The following PCBP3 variants were observed in gnomAD, a reference collection of about 807,000 sequenced individuals.
The protein encoded by PCBP3 is poly(rC) binding protein 3.
In PCBP3, 25 loss-of-function variants were observed where a neutral mutation model predicts 52.7. The ratio of observed to expected loss-of-function variants is 0.47; its 90% confidence interval spans 0.35 to 0.66. The LOEUF (loss-of-function observed/expected upper bound fraction) is 0.66, where lower values mean the gene tolerates loss of function less well. Ranked by LOEUF, PCBP3 falls within the 30% of genes least tolerant of loss-of-function variation. PCBP3 has a pLI of 0.01. For missense variants in PCBP3, 391 were observed against 490.3 expected, an observed-to-expected ratio of 0.80 and a Z score of 1.91; for synonymous variants, 162 against 183.0, an observed-to-expected ratio of 0.89 and a Z score of 0.93.
intron 1 of PCBP3, among the ~76,000 whole-genome samples, chr21:45,644,307 C>T (rs1276958845): frequency 6.6e-6 from 1 of 151,670 alleles, no homozygotes; most frequent in Non-Finnish European, 1.5e-5. Flanking sequence ...GGGCGCGGGG[C>T]CTCCTCCCCC....
chr21:45,783,383 G>A (rs563177876), intron 4 of PCBP3, among the ~76,000 whole-genome samples: 1 of 152,200 alleles, frequency 6.6e-6, no homozygotes, highest in Non-Finnish European at 1.5e-5. Flanking sequence ...AGAAAAAAGT[G>A]TAGCAAAGTA....
At chr21:45,811,654 C>T (rs2092689991) in intron 4 of PCBP3, among the ~76,000 whole-genome samples, 1 of 152,232 alleles carries the variant, frequency 6.6e-6, no homozygotes, top group South Asian at 2.1e-4. Flanking sequence ...CTTACACCAG[C>T]TTTGTCTGGT....
chr21:45,794,229 A>G (rs377166944), intron 4 of PCBP3, among the ~76,000 whole-genome samples: 13 of 152,336 alleles, frequency 8.5e-5, no homozygotes, highest in African/African-American at 1.7e-4. Flanking sequence ...ATTGTAAATG[A>G]TTTACAAGGA....
chr21:45,666,715 ATTG>A (rs914174030), intron 1 of PCBP3, among the ~76,000 whole-genome samples: 3 of 147,340 alleles, frequency 2.0e-5, no homozygotes, highest in Non-Finnish European at 4.5e-5. Context: ...GAAATCCGCT[ATTG>A]TTCTTATTGA....
intron 5 of PCBP3, among the ~76,000 whole-genome samples, chr21:45,888,437 C>G (rs1170364002): frequency 6.6e-6 from 1 of 152,244 alleles, no homozygotes; most frequent in East Asian, 1.9e-4. Context: ...GCAGCTCACC[C>G]TGCTCCTGTA....
chr21:45,918,693 G>T (rs1338004327), intron 13 of PCBP3: 2 of 150,140 alleles, frequency 1.3e-5, no homozygotes, highest in African/African-American at 5.0e-5. Flanking sequence ...GCTGGGGGAA[G>T]AAGTTACTCT....
intron 2 of PCBP3, among the ~76,000 whole-genome samples, chr21:45,678,930 C>G (rs1486381860): frequency 6.6e-6 from 1 of 152,022 alleles, no homozygotes; most frequent in East Asian, 1.9e-4. Context: ...ATGTGGCAAA[C>G]TTTAGTGTTG....
At chr21:45,720,250 T>G (rs2084531690) in intron 2 of PCBP3, among the ~76,000 whole-genome samples, 1 of 151,774 alleles carries the variant, frequency 6.6e-6, no homozygotes, top group African/African-American at 2.4e-5. Context: ...CCCCAGTGTG[T>G]GATGTTCCCC....
chr21:45,798,916 A>G (rs111965198), intron 4 of PCBP3, among the ~76,000 whole-genome samples: 8 of 139,336 alleles, frequency 5.7e-5, no homozygotes, highest in South Asian at 5.2e-4. Flanking sequence ...GCATGGATCC[A>G]TAGAGAGAGT....
At chr21:45,846,712 C>T (rs548575041) in intron 4 of PCBP3, among the ~76,000 whole-genome samples, 15 of 152,328 alleles carry the variant, frequency 9.8e-5, no homozygotes, top group Admixed American at 3.9e-4. Context: ...CATATGGCTT[C>T]GCCGCGCACT....
At chr21:45,753,599 T>C (rs144237275) in intron 3 of PCBP3, among the ~76,000 whole-genome samples, 45 of 152,338 alleles carry the variant, frequency 3.0e-4, no homozygotes, top group Non-Finnish European at 5.1e-4. Context: ...TTGGACTTTC[T>C]ATTTAGCTCA....
chr21:45,705,736 T>C (rs2083407843), intron 2 of PCBP3, among the ~76,000 whole-genome samples: 1 of 151,994 alleles, frequency 6.6e-6, no homozygotes, highest in Non-Finnish European at 1.5e-5. Flanking sequence ...CTTATAGTCT[T>C]TTTTTTTCCC....
intron 4 of PCBP3, among the ~76,000 whole-genome samples, chr21:45,842,380 A>AT (rs1222273370): frequency 6.6e-6 from 1 of 152,000 alleles, no homozygotes; most frequent in Non-Finnish European, 1.5e-5. Context: ...TGTCTGTTTC[A>AT]TTTTTTATTT....
intron 4 of PCBP3, among the ~76,000 whole-genome samples, chr21:45,846,425 G>GT (rs1280400487): frequency 1.8e-4 from 27 of 147,224 alleles, no homozygotes; most frequent in African/African-American, 6.1e-4. Context: ...CTAGTTTTTT[G>GT]TTTGTTTTTT....
rs1185463726 is a variant in PCBP3 at position 45,929,928 on chromosome 21, G to A, written c.729G>A (p.Lys243=). Residue 243 remains lysine, a synonymous_variant, in exon 14 of 18, where the codon AAG becomes AAA. Coordinates refer to ENST00000681687, the MANE Select transcript of PCBP3 (RefSeq NM_001384156.1). ...CCCTCCTACCCCAGCAGTTGACCAA[G>A]CTCCACCAGTTGGCCATGCAGCAAA... is the stretch of plus-strand genomic sequence containing the variant. ...YAIPHPDQLT[K]LHQLAMQQTP... 1.2e-6 allele frequency: 2 copies of A among 1,613,514 alleles called. No homozygotes were observed. The highest frequency in any genetic ancestry group is 1.7e-6 in the Non-Finnish European group (2 of 1,179,768).
intron 4 of PCBP3, among the ~76,000 whole-genome samples, chr21:45,774,657 A>G (rs1263222728): frequency 6.6e-6 from 1 of 152,176 alleles, no homozygotes; most frequent in Non-Finnish European, 1.5e-5. Flanking sequence ...TGGCTTTGTC[A>G]TATATGGCTT....
At chr21:45,822,263 C>A (rs1270105759) in intron 4 of PCBP3, among the ~76,000 whole-genome samples, 1 of 152,198 alleles carries the variant, frequency 6.6e-6, no homozygotes, top group Non-Finnish European at 1.5e-5. Context: ...CCACTGCAGC[C>A]TGAGCCTTTC....
chr21:45,749,167 G>A (rs2087186192), intron 3 of PCBP3, among the ~76,000 whole-genome samples: 1 of 152,130 alleles, frequency 6.6e-6, no homozygotes, highest in African/African-American at 2.4e-5. Context: ...CTAAAGATGA[G>A]CCAGCATTGG....
intron 5 of PCBP3, among the ~76,000 whole-genome samples, chr21:45,881,837 A>G (rs1051671221): frequency 6.6e-6 from 1 of 151,668 alleles, no homozygotes; most frequent in African/African-American, 2.4e-5. Flanking sequence ...AGTTCATTTT[A>G]CTTGTTATAA....
Sources: gnomAD v4.1 joint callset for allele counts (sites outside exome capture counted in the v4.1 genomes callset) on GRCh38, gnomAD v4.1.1 for gene constraint, MANE v1.5 for transcripts, NCBI Gene and HGNC (gene_info 2026-07-23, HGNC 2026-07-21) for gene names.